NUDT6: variants seen among roughly 807,000 people sequenced by gnomAD.
NUDT6 encodes the protein FAD diphosphatase NUDT6.
Under a neutral mutation model 36.8 loss-of-function variants are expected in NUDT6, and 24 were observed. The ratio of observed to expected loss-of-function variants is 0.65; its 90% CI spans 0.47 to 0.92. NUDT6 has a LOEUF of 0.92. Ranked by LOEUF, NUDT6 falls within the 40% of genes least tolerant of loss-of-function variation. The probability of loss-of-function intolerance (pLI) is 0.00; values close to 1 mark genes in which losing one functional copy is unlikely to be tolerated. For synonymous variants in NUDT6, 163 were observed against 157.0 expected (o/e 1.04, Z -0.29); for missense variants, 388 against 392.8 (o/e 0.99, Z 0.10).
chr4:122,917,537 A>G lies in NUDT6; in HGVS notation c.406T>C (p.Leu136=), dbSNP rs1176608703. Residue 136 remains leucine, a synonymous_variant, in exon 2 of 5, where the codon TTA becomes CTA. Coordinates refer to ENST00000304430, the MANE Select transcript of NUDT6 (RefSeq NM_007083.5). ...ACTTGATGTGAAGCATATCCTGGTA[A>G]TCTGCTGGGCCCTTCTCTCAGCCAC... ...TLWLREGPSR[L]PGYASHQVGV... 1.2e-6 allele frequency: 2 copies of G among 1,614,192 alleles called. No individual in the cohort carries two copies. Among genetic ancestry groups the G allele is most frequent in the East Asian group, 4.5e-5 (2 of 44,888 alleles).
At position 122,912,555 on chromosome 4, in the gene NUDT6, A is replaced by C; in HGVS notation, c.498+13T>G. The C allele has an allele frequency of 6.4e-7, 1 of 1,568,872 alleles. No homozygotes were observed. Among genetic ancestry groups the C allele is most frequent in the Non-Finnish European group, 8.8e-7 (1 of 1,140,748 alleles). ...ACATTTAGGAAGCAATTTATAAAAC[A>C]GAAGCAGCTTACTTTATTTCGATCT... On this transcript the variant is annotated intron_variant, in intron 3 of 4. Transcript: ENST00000304430.
rs1324994371 is a variant in NUDT6, at chr4:122,915,488, A to AC, written c.442+2012_442+2013insG. Among the ~76,000 whole-genome samples the AC allele has an allele frequency of 4.0e-3, 440 of 109,666 alleles. 18 individuals are homozygous for AC. In the East Asian group the frequency reaches 0.047, roughly 12 times the overall value. 71.9% of individuals were successfully genotyped at this position (109,666 alleles called of 152,430 possible). A position where few individuals can be genotyped will look rare whatever the true frequency, so the allele number is the denominator to read the frequency against. On this transcript the variant is annotated intron_variant, in intron 2 of 4. Coordinates refer to ENST00000304430, the MANE Select transcript of NUDT6 (RefSeq NM_007083.5). The stretch of plus-strand genomic sequence containing the variant: ...CTGCCTCAAAAAAAAAAAAAAAAAA[A>AC]AAAAAAAAAACAACTCTGCACCTTT...
intron 3 of NUDT6, among the ~76,000 whole-genome samples, chr4:122,907,533 C>A (rs1488628432): frequency 6.6e-6 from 1 of 151,168 alleles, no homozygotes; most frequent in East Asian, 2.0e-4. Context: ...TCACTGCAAC[C>A]TCCACCTCCC....
intron 3 of NUDT6, among the ~76,000 whole-genome samples, chr4:122,901,251 C>A (rs763943364): frequency 1.3e-5 from 2 of 150,960 alleles, no homozygotes; most frequent in Admixed American, 1.3e-4. Context: ...GTATAGTAAC[C>A]TTTTAACTTA....
intron 3 of NUDT6, among the ~76,000 whole-genome samples, chr4:122,910,854 G>A (rs60251084): frequency 0.022 from 3,293 of 152,120 alleles, 109 homozygotes; most frequent in African/African-American, 0.074. Flanking sequence ...TGCTGATTCC[G>A]TTTTGTCTCA....
At chr4:122,906,397 C>T (rs1027504058) in intron 3 of NUDT6, among the ~76,000 whole-genome samples, 3 of 152,284 alleles carry the variant, frequency 2.0e-5, no homozygotes, top group Non-Finnish European at 2.9e-5. Context: ...GGCTACCAAA[C>T]GACTCAATAC....
chr4:122,903,431 C>A (rs1176686707), intron 3 of NUDT6, among the ~76,000 whole-genome samples: 1 of 152,182 alleles, frequency 6.6e-6, no homozygotes, highest in African/African-American at 2.4e-5. Flanking sequence ...TAGTGGTTCT[C>A]AAACTTTACA....
intron 1 of NUDT6, chr4:122,920,502 C>T (rs931859474): frequency 3.1e-4 from 47 of 152,204 alleles, no homozygotes; most frequent in African/African-American, 1.1e-3. Flanking sequence ...CTTTGATCAA[C>T]GCATCTATCC....
rs898699814 is a variant in NUDT6 at position 122,892,743 on chromosome 4, A to G, written c.*85T>C. On this transcript the variant is annotated 3_prime_UTR_variant, in exon 5 of 5. Transcript: ENST00000304430. The stretch of plus-strand genomic sequence containing the variant: ...GAAATCATATACATTAGAAAATCAC[A>G]GTCAGATGTTTAATCAATCCAAAAT... The G allele has an allele frequency of 3.0e-6, 4 of 1,352,804 alleles. No homozygotes were observed. In the African/African-American group the frequency reaches 4.4e-5, roughly 15 times the overall value. 83.8% of individuals were successfully genotyped at this position (1,352,804 alleles called of 1,614,324 possible).
chr4:122,914,144 A>C (rs1415319694), intron 2 of NUDT6, among the ~76,000 whole-genome samples: 1 of 152,230 alleles, frequency 6.6e-6, no homozygotes, highest in African/African-American at 2.4e-5. Flanking sequence ...ATTATATAGA[A>C]TATTAGAAGG....
chr4:122,918,886 C>T (rs374133355), intron 1 of NUDT6: 3 of 152,298 alleles, frequency 2.0e-5, no homozygotes, highest in South Asian at 2.1e-4. Context: ...ACATTTCATG[C>T]GATTTGACAT....
chr4:122,903,096 C>T (rs1026807958), intron 3 of NUDT6, among the ~76,000 whole-genome samples: 1 of 152,076 alleles, frequency 6.6e-6, no homozygotes, highest in African/African-American at 2.4e-5. Context: ...CAAACATTTA[C>T]AGAAATTAAA....
chr4:122,912,690 C>G, intron 2 of NUDT6, 67 bp from the exon 3 acceptor site: 1 of 1,005,080 alleles, frequency 9.9e-7, no homozygotes. Context: ...TCCTCCCACA[C>G]TCTCTATCTG....
Position 122,892,909 on chromosome 4 carries a change from TG to T in NUDT6, c.869del (p.Pro290GlnfsTer23). On this transcript the variant is annotated frameshift_variant, in exon 5 of 5. Transcript: ENST00000304430. LOFTEE classifies it high-confidence loss of function. ...DKIDLTVEEL[P>X]AVYTGLFYKL... is the part of the protein sequence containing the mutation. ...TATAAAACAGTCCTGTGTAAACTGC[TG>T]GAAGTTCTTCCACAGTCAGGTCAAT... 1 of 1,614,146 alleles carries T rather than the reference TG, an allele frequency of 6.2e-7. No individual in the cohort carries two copies. Among genetic ancestry groups the T allele is most frequent in the Non-Finnish European group, 8.5e-7 (1 of 1,179,974 alleles).
intron 3 of NUDT6, among the ~76,000 whole-genome samples, chr4:122,911,160 G>T (rs1037918976): frequency 1.3e-5 from 2 of 152,148 alleles, no homozygotes; most frequent in African/African-American, 4.8e-5. Context: ...TTACAAAGTA[G>T]AAGTGGCAAA....
At chr4:122,894,446 G>C (rs1221705211) in intron 4 of NUDT6, 1 of 152,226 alleles carries the variant, frequency 6.6e-6, no homozygotes, top group East Asian at 1.9e-4. Context: ...AGCCAGGCAT[G>C]GTGGCGTGTA....
At chr4:122,896,453 G>C (rs1727359096) in intron 4 of NUDT6, 1 of 152,180 alleles carries the variant, frequency 6.6e-6, no homozygotes, top group Non-Finnish European at 1.5e-5. Flanking sequence ...ATTGGGTAAG[G>C]CTGCAAAACA....
At chr4:122,909,566 G>A (rs923392210) in intron 3 of NUDT6, among the ~76,000 whole-genome samples, 7 of 152,102 alleles carry the variant, frequency 4.6e-5, no homozygotes, top group Non-Finnish European at 8.8e-5. Context: ...ATAAGTATTA[G>A]CAAATGTTTG....
chr4:122,912,437 A>G lies in NUDT6; in HGVS notation c.498+131T>C. On this transcript the variant is annotated intron_variant, in intron 3 of 4. Transcript: ENST00000304430. Reference sequence around the variant, plus strand: ...TTTAAATAAATATCTAAGGTGATCCATAACTGCTTAGAAATGATTTTTAAA... The same window carrying G: ...TTTAAATAAATATCTAAGGTGATCCGTAACTGCTTAGAAATGATTTTTAAA... The G allele has an allele frequency of 2.8e-5, 19 of 690,712 alleles. No homozygotes were observed. In the South Asian group the frequency reaches 3.3e-4, roughly 12 times the overall value. 42.8% of individuals were successfully genotyped at this position (690,712 alleles called of 1,614,324 possible).
Sources: gnomAD v4.1 joint callset for allele counts (sites outside exome capture counted in the v4.1 genomes callset) on GRCh38, gnomAD v4.1.1 for gene constraint, MANE v1.5 for transcripts, NCBI Gene and HGNC (gene_info 2026-07-23, HGNC 2026-07-21) for gene names.